The following TMEM132B variants were observed in gnomAD, a reference collection of about 807,000 sequenced individuals.
TMEM132B encodes the protein transmembrane protein 132B.
In TMEM132B, 18 loss-of-function variants were observed where a neutral mutation model predicts 90.8. The observed-to-expected ratio is 0.20, with a 90% CI of 0.14 to 0.29. The LOEUF is 0.29. TMEM132B is among the 10% of genes least tolerant of loss of function. The pLI is 1.00. For missense variants in TMEM132B, 1,096 were observed against 1,326.8 expected, an observed-to-expected ratio of 0.83 and a Z score of 2.70; for synonymous variants, 504 against 523.3, an observed-to-expected ratio of 0.96 and a Z score of 0.50.
chr12:125,309,215 A>G (rs950766798), intron 1 of TMEM132B, among the ~76,000 whole-genome samples: 8 of 152,222 alleles, frequency 5.3e-5, no homozygotes, highest in South Asian at 2.1e-4. Flanking sequence ...TCAATTTTAT[A>G]TGCTATTTGG....
intron 2 of TMEM132B, among the ~76,000 whole-genome samples, chr12:125,367,850 G>A (rs1014009751): frequency 1.3e-5 from 2 of 152,046 alleles, no homozygotes; most frequent in African/African-American, 2.4e-5. Flanking sequence ...TATATTTAAT[G>A]TAATTATTGA....
rs541267029 is a variant in TMEM132B at position 125,653,801 on chromosome 12, T to C, written c.2343T>C (p.Ser781=). 1.2e-6 allele frequency: 2 copies of C among 1,613,870 alleles called. No homozygotes were observed. Among genetic ancestry groups the C allele is most frequent in the East Asian group, 2.2e-5 (1 of 44,858 alleles). The change falls in exon 9 of 9, where the codon AGT becomes AGC. Residue 781 remains serine (S), a synonymous_variant. Coordinates refer to ENST00000682704, the MANE Select transcript of TMEM132B (RefSeq NM_001366854.1). ...SEPCQKTKRK[S]VLAVGKGNVK... Reference sequence around the variant, plus strand: ...CTTGTCAGAAGACCAAGAGGAAGAGTGTTCTTGCCGTGGGTAAAGGAAATG... The same window carrying C: ...CTTGTCAGAAGACCAAGAGGAAGAGCGTTCTTGCCGTGGGTAAAGGAAATG...
intron 2 of TMEM132B, among the ~76,000 whole-genome samples, chr12:125,403,802 A>C (rs1434382356): frequency 6.6e-6 from 1 of 152,178 alleles, no homozygotes; most frequent in Non-Finnish European, 1.5e-5. Flanking sequence ...CCACGTGATT[A>C]GGAGGGGGTT....
At position 125,654,791 on chromosome 12, in the gene TMEM132B, G is replaced by A; in HGVS notation, c.*81G>A. 5 of 1,467,734 alleles carry A rather than the reference G, an allele frequency of 3.4e-6. No individual in the cohort carries two copies. Among genetic ancestry groups the A allele is most frequent in the South Asian group, 1.3e-5 (1 of 74,372 alleles). The allele number at this position is 1,467,734 out of a possible 1,614,324, so 90.9% of individuals were successfully genotyped here. On this transcript the variant is annotated 3_prime_UTR_variant, in exon 9 of 9. Transcript: ENST00000682704. The surrounding 1 kb of genome is among the most constrained non-coding windows in gnomAD (Gnocchi z 5.8). The stretch of plus-strand genomic sequence containing the variant: ...GCAGTGAGTTTGATCAGCAATAGGG[G>A]ATGATTTAACAAAGTTTGATTTGTG...
rs888447677 is a variant in TMEM132B, at chr12:125,662,244, A to G, written c.*7534A>G. On this transcript the variant is annotated 3_prime_UTR_variant, in exon 9 of 9. Transcript: ENST00000682704. ...TTCTATATACCTTTTTGTATAATGT[A>G]TCTATCTCATTATATTACCTATGGT... 1.3e-5 allele frequency: 2 copies of G among 152,226 alleles called. No individual in the cohort carries two copies. The highest frequency in any genetic ancestry group is 2.4e-5 in the African/African-American group (1 of 41,470). 9.4% of individuals were successfully genotyped at this position (152,226 alleles called of 1,614,324 possible).
chr12:125,237,384 C>T (rs1177742956), intron 1 of TMEM132B, among the ~76,000 whole-genome samples: 6 of 152,224 alleles, frequency 3.9e-5, no homozygotes, highest in Admixed American at 6.5e-5. Flanking sequence ...CCCCTGTTCT[C>T]TCTCCTACCA....
chr12:125,508,084 A>C (rs2136621987), intron 3 of TMEM132B, among the ~76,000 whole-genome samples: 1 of 152,334 alleles, frequency 6.6e-6, no homozygotes, highest in Admixed American at 6.5e-5. Context: ...GTTAAGGACG[A>C]CCAAGATTTT....
intron 1 of TMEM132B, among the ~76,000 whole-genome samples, chr12:125,326,024 T>C (rs10846873): frequency 0.68 from 103,778 of 152,046 alleles, 36,339 homozygotes; most frequent in African/African-American, 0.82. Flanking sequence ...CCCCATGTAG[T>C]GCAGTGACAT....
At chr12:125,219,806 C>T (rs933590941) in intron 1 of TMEM132B, among the ~76,000 whole-genome samples, 2 of 152,232 alleles carry the variant, frequency 1.3e-5, no homozygotes, top group African/African-American at 4.8e-5. Flanking sequence ...GGCACTGGAT[C>T]CATTCAGTGG....
intron 1 of TMEM132B, among the ~76,000 whole-genome samples, chr12:125,299,059 C>A (rs1875746448): frequency 6.6e-6 from 1 of 152,140 alleles, no homozygotes; most frequent in Non-Finnish European, 1.5e-5. Flanking sequence ...GAGATGAGGT[C>A]TTGCTGTGTT....
chr12:125,295,515 T>A lies in TMEM132B; in HGVS notation c.68-53937T>A, dbSNP rs868647355. Among the ~76,000 whole-genome samples the A allele has an allele frequency of 2.7e-3, 390 of 142,418 alleles. 3 individuals carry two copies. Among genetic ancestry groups the A allele is most frequent in the Admixed American group, 0.01 (152 of 14,488 alleles). 93.4% of individuals were successfully genotyped at this position (142,418 alleles called of 152,430 possible). A position where few individuals can be genotyped will look rare whatever the true frequency, so the allele number is the denominator to read the frequency against. ...TCCATGAAACCTGTGTGTGTGTGTGTGAGAGAGAGAGAGAGAGAGAGAGAG... is the reference window on the plus strand; with the variant it reads ...TCCATGAAACCTGTGTGTGTGTGTGAGAGAGAGAGAGAGAGAGAGAGAGAG... On this transcript the variant is annotated intron_variant, in intron 1 of 8. Transcript: ENST00000682704.
intron 3 of TMEM132B, among the ~76,000 whole-genome samples, chr12:125,456,581 T>C (rs901783924): frequency 9.9e-5 from 15 of 151,962 alleles, no homozygotes; most frequent in African/African-American, 3.6e-4. Context: ...AAGAGGGAGG[T>C]GCAGGGTTTT....
chr12:125,545,160 C>A (rs1334038638), intron 4 of TMEM132B, among the ~76,000 whole-genome samples: 4 of 152,156 alleles, frequency 2.6e-5, no homozygotes, highest in Non-Finnish European at 5.9e-5. Flanking sequence ...TGAACTGGGT[C>A]AAGGACTACA....
intron 5 of TMEM132B, among the ~76,000 whole-genome samples, chr12:125,593,577 T>A (rs570878513): frequency 6.6e-6 from 1 of 152,138 alleles, no homozygotes; most frequent in Non-Finnish European, 1.5e-5. Flanking sequence ...GTCTGGGATA[T>A]CAGGCCTGAT....
intron 1 of TMEM132B, among the ~76,000 whole-genome samples, chr12:125,187,654 A>G (rs1957767978): frequency 6.6e-6 from 1 of 152,200 alleles, no homozygotes; most frequent in South Asian, 2.1e-4. Flanking sequence ...GTGAGTGGGA[A>G]AAGCAAAATA....
intron 1 of TMEM132B, among the ~76,000 whole-genome samples, chr12:125,187,106 G>C (rs1957764681): frequency 6.6e-6 from 1 of 152,178 alleles, no homozygotes. Flanking sequence ...CGGGACGCAC[G>C]GGGGCCACAG....
chr12:125,315,702 G>C (rs1273161418), intron 1 of TMEM132B, among the ~76,000 whole-genome samples: 1 of 152,166 alleles, frequency 6.6e-6, no homozygotes, highest in East Asian at 1.9e-4. Context: ...GCTGGGGTTG[G>C]AGCCTCAGAT....
At chr12:125,226,078 C>T (rs1324167435) in intron 1 of TMEM132B, among the ~76,000 whole-genome samples, 1 of 152,202 alleles carries the variant, frequency 6.6e-6, no homozygotes, top group Non-Finnish European at 1.5e-5. Flanking sequence ...CGATAGTGTC[C>T]TTGTGTGTAC....
At position 125,350,474 on chromosome 12, in the gene TMEM132B, G is replaced by A. The variant is rs1877533793; in HGVS notation, c.959+131G>A. On this transcript the variant is annotated intron_variant, in intron 2 of 8. Transcript: ENST00000682704. ...ATGAATACAGCTGGTCATTAAAGTGGTGAAAACAGATTTTATTCAGTAACT... is the reference window on the plus strand; with the variant it reads ...ATGAATACAGCTGGTCATTAAAGTGATGAAAACAGATTTTATTCAGTAACT... 17 of 1,106,020 alleles carry A rather than the reference G, an allele frequency of 1.5e-5. No homozygotes were observed. In the South Asian group the frequency reaches 2.6e-4, roughly 17 times the overall value. The allele number at this position is 1,106,020 out of a possible 1,614,324, so 68.5% of individuals were successfully genotyped here.
Sources: allele counts gnomAD v4.1 joint callset (sites outside exome capture counted in the v4.1 genomes callset), GRCh38; gene constraint gnomAD v4.1.1; non-coding constraint Gnocchi (gnomAD v3.1); transcripts MANE v1.5; gene names NCBI Gene and HGNC (gene_info 2026-07-23, HGNC 2026-07-21).